Variants in LMX1A observed in about 807,000 individuals in gnomAD.
LMX1A encodes LIM homeobox transcription factor 1 alpha.
LMX1A carries 15 observed loss-of-function variants against 49.1 expected under a neutral mutation model. The ratio of observed to expected loss-of-function variants is 0.31; its 90% CI spans 0.20 to 0.47. The LOEUF is 0.47. Among genes scored for constraint, LMX1A ranks in the 20% least tolerant of loss-of-function variants. LMX1A has a pLI of 1.00. For missense variants in LMX1A, 372 were observed against 475.8 expected (o/e 0.78, Z 2.03); for synonymous variants, 167 against 185.7 (o/e 0.90, Z 0.82).
chr1:165,326,006 G>T (rs1655567608), intron 3 of LMX1A, among the ~76,000 whole-genome samples: 1 of 64,118 alleles, frequency 1.6e-5, no homozygotes, highest in South Asian at 5.5e-4. Context: ...ATCCCAGGGG[G>T]GCTCCCCGGC....
chr1:165,332,796 T>TC (rs1655786168), intron 3 of LMX1A, among the ~76,000 whole-genome samples: 1 of 152,176 alleles, frequency 6.6e-6, no homozygotes, highest in African/African-American at 2.4e-5. Context: ...CTTAAACCTA[T>TC]CTTCTCAGCA....
At chr1:165,306,441 C>T (rs1273410270) in intron 3 of LMX1A, among the ~76,000 whole-genome samples, 1 of 152,134 alleles carries the variant, frequency 6.6e-6, no homozygotes, top group Non-Finnish European at 1.5e-5. Flanking sequence ...AATACCTGGA[C>T]CCCGCCTGAA....
intron 3 of LMX1A, among the ~76,000 whole-genome samples, chr1:165,338,777 C>T (rs1405023860): frequency 6.6e-6 from 1 of 152,170 alleles, no homozygotes; most frequent in African/African-American, 2.4e-5. Flanking sequence ...AGAAGCAGAG[C>T]CATTGGAAAA....
intron 3 of LMX1A, among the ~76,000 whole-genome samples, chr1:165,279,089 C>T (rs1054224923): frequency 2.6e-5 from 4 of 152,220 alleles, no homozygotes; most frequent in African/African-American, 4.8e-5. Context: ...AGCTGTATAT[C>T]GCCTGTGAGC....
At chr1:165,296,612 C>T (rs1487160751) in intron 3 of LMX1A, among the ~76,000 whole-genome samples, 2 of 152,246 alleles carry the variant, frequency 1.3e-5, no homozygotes, top group Non-Finnish European at 2.9e-5. Context: ...CTTCATACCT[C>T]TAGTGTGGTA....
chr1:165,293,487 A>C (rs376438299), intron 3 of LMX1A, among the ~76,000 whole-genome samples: 1 of 152,336 alleles, frequency 6.6e-6, no homozygotes. Context: ...CCAGCTCTGT[A>C]AGGCTGTGAT....
At chr1:165,231,549 G>A (rs1489995402) in intron 4 of LMX1A, among the ~76,000 whole-genome samples, 2 of 152,168 alleles carry the variant, frequency 1.3e-5, no homozygotes, top group Non-Finnish European at 2.9e-5. Flanking sequence ...CACCCAAAGA[G>A]CTGGAATTGC....
chr1:165,341,386 C>A, intron 3 of LMX1A, among the ~76,000 whole-genome samples: 1 of 152,166 alleles, frequency 6.6e-6, no homozygotes. Flanking sequence ...CCTGCAAGAG[C>A]CAGTTAACAT....
At chr1:165,337,907 T>TGTGTGTGTGTGTGTGTGTG (rs1553213782) in intron 3 of LMX1A, among the ~76,000 whole-genome samples, 5 of 151,620 alleles carry the variant, frequency 3.3e-5, no homozygotes, top group Admixed American at 6.6e-5. Context: ...TGTGTGTGTG[T>TGTGTGTGTGTGTGTGTGTG]TACTACCCCA....
chr1:165,317,686 C>T (rs898277894), intron 3 of LMX1A, among the ~76,000 whole-genome samples: 3 of 152,192 alleles, frequency 2.0e-5, no homozygotes, highest in Admixed American at 2.0e-4. Context: ...TAATTTGATT[C>T]CCCTCATTGC....
chr1:165,226,777 T>C (rs1196022621), intron 4 of LMX1A, among the ~76,000 whole-genome samples: 1 of 152,262 alleles, frequency 6.6e-6, no homozygotes, highest in Non-Finnish European at 1.5e-5. Flanking sequence ...TGAATTTTAT[T>C]TTCCCAATGA....
At chr1:165,314,831 A>T (rs1262556093) in intron 3 of LMX1A, among the ~76,000 whole-genome samples, 1 of 152,208 alleles carries the variant, frequency 6.6e-6, no homozygotes, top group East Asian at 1.9e-4. Context: ...TATTAGAATT[A>T]TCTGAGTAAT....
At chr1:165,233,636 T>C (rs192900977) in intron 4 of LMX1A, among the ~76,000 whole-genome samples, 1 of 152,204 alleles carries the variant, frequency 6.6e-6, no homozygotes, top group African/African-American at 2.4e-5. Flanking sequence ...TTTATCTAGA[T>C]CCCTGGTTCT....
At chr1:165,325,469 G>A (rs1655543376) in intron 3 of LMX1A, among the ~76,000 whole-genome samples, 1 of 150,992 alleles carries the variant, frequency 6.6e-6, no homozygotes, top group African/African-American at 2.4e-5. Context: ...ATATGTGTGT[G>A]TGTGTGTGTG....
intron 3 of LMX1A, among the ~76,000 whole-genome samples, chr1:165,283,036 G>A (rs941252476): frequency 3.3e-5 from 5 of 152,178 alleles, no homozygotes; most frequent in African/African-American, 1.2e-4. Flanking sequence ...TTCAGCTCCA[G>A]CGCACTGATT....
At chr1:165,279,244 G>A (rs749412692) in intron 3 of LMX1A, among the ~76,000 whole-genome samples, 2 of 152,152 alleles carry the variant, frequency 1.3e-5, no homozygotes, top group South Asian at 2.1e-4. Flanking sequence ...AGAAATAAGC[G>A]GGTGGAGACT....
chr1:165,318,259 A>T (rs1447760199), intron 3 of LMX1A, among the ~76,000 whole-genome samples: 1 of 152,202 alleles, frequency 6.6e-6, no homozygotes, highest in African/African-American at 2.4e-5. Flanking sequence ...ACCAAAAACA[A>T]ATTATCCCAA....
In LMX1A at chr1:165,205,852, A is replaced by AG; in HGVS notation, c.988+11dup. On this transcript the variant is annotated intron_variant, in intron 8 of 8. Coordinates refer to ENST00000342310, the MANE Select transcript of LMX1A (RefSeq NM_177398.4). ...GTTATGAGAGGGCCCGAGGGGCTTAAGTCCCTCTTACCATAAGGGTGCATG... is the reference window on the plus strand; with the variant it reads ...GTTATGAGAGGGCCCGAGGGGCTTAAGGTCCCTCTTACCATAAGGGTGCATG... 8 of 1,613,454 alleles carry AG rather than the reference A, an allele frequency of 5.0e-6. No homozygotes were observed. Among genetic ancestry groups the AG allele is most frequent in the Non-Finnish European group, 5.9e-6 (7 of 1,179,788 alleles).
intron 3 of LMX1A, among the ~76,000 whole-genome samples, chr1:165,336,322 C>G (rs766682024): frequency 1.3e-5 from 2 of 152,132 alleles, no homozygotes; most frequent in Non-Finnish European, 1.5e-5. Context: ...TTCTAGATCA[C>G]TAACCTTTAA....
Sources: allele counts gnomAD v4.1 joint callset (sites outside exome capture counted in the v4.1 genomes callset), GRCh38; gene constraint gnomAD v4.1.1; transcripts MANE v1.5; gene names NCBI Gene and HGNC (gene_info 2026-07-23, HGNC 2026-07-21).